DTNB: variants seen among roughly 807,000 people sequenced by gnomAD.
DTNB encodes dystrobrevin beta, also known as DTN-B.
DTNB carries 63 observed loss-of-function variants against 90.7 expected under a neutral mutation model. The observed-to-expected ratio is 0.69, with a 90% CI of 0.57 to 0.86. The LOEUF (loss-of-function observed/expected upper bound fraction) is 0.86, where lower values mean the gene tolerates loss of function less well. DTNB is among the 40% of genes least tolerant of loss of function. The probability of loss-of-function intolerance (pLI) is 0.00; values close to 1 mark genes in which losing one functional copy is unlikely to be tolerated. For synonymous variants in DTNB, 277 were observed against 286.7 expected (o/e 0.97, Z 0.34); for missense variants, 744 against 807.1 (o/e 0.92, Z 0.95).
chr2:25,494,839 ATT>A (rs1396229053), intron 9 of DTNB, among the ~76,000 whole-genome samples: 1 of 151,910 alleles, frequency 6.6e-6, no homozygotes, highest in African/African-American at 2.4e-5. Context: ...TATGACTGGT[ATT>A]CCTCCCGGAA....
intron 8 of DTNB, among the ~76,000 whole-genome samples, chr2:25,564,140 A>G (rs908614191): frequency 2.0e-5 from 3 of 151,970 alleles, no homozygotes; most frequent in African/African-American, 7.3e-5. Context: ...TGACCTTGTG[A>G]TCCACCTGCC....
chr2:25,471,566 T>C (rs2150305669), intron 10 of DTNB, among the ~76,000 whole-genome samples: 1 of 152,196 alleles, frequency 6.6e-6, no homozygotes, highest in East Asian at 1.9e-4. Flanking sequence ...CGGCTAATTT[T>C]TGTATTTTTC....
intron 8 of DTNB, among the ~76,000 whole-genome samples, chr2:25,575,842 A>T (rs2060571389): frequency 6.6e-6 from 1 of 152,236 alleles, no homozygotes; most frequent in Non-Finnish European, 1.5e-5. Flanking sequence ...CAAAGGCTGT[A>T]GCAACTTTTT....
At chr2:25,622,309 C>A (rs2072936361) in intron 4 of DTNB, among the ~76,000 whole-genome samples, 1 of 152,086 alleles carries the variant, frequency 6.6e-6, no homozygotes, top group Non-Finnish European at 1.5e-5. Flanking sequence ...CATGGCAAAA[C>A]CCCGTCTCTA....
chr2:25,448,711 G>A (rs935024949), intron 12 of DTNB, among the ~76,000 whole-genome samples: 7 of 152,070 alleles, frequency 4.6e-5, no homozygotes, highest in South Asian at 2.1e-4. Flanking sequence ...AAAATTAGCC[G>A]GGCGTGGTGG....
chr2:25,467,792 T>C (rs1437842330), intron 10 of DTNB, among the ~76,000 whole-genome samples: 1 of 152,240 alleles, frequency 6.6e-6, no homozygotes, highest in Non-Finnish European at 1.5e-5. Flanking sequence ...CTTATTGTTC[T>C]CAAAGGGTCC....
intron 4 of DTNB, among the ~76,000 whole-genome samples, chr2:25,618,011 T>C (rs2148625325): frequency 6.6e-6 from 1 of 152,306 alleles, no homozygotes; most frequent in African/African-American, 2.4e-5. Flanking sequence ...CAAATCACGT[T>C]ACTTATATTT....
chr2:25,433,801 AGGTCTTCCTTGGC>A, intron 13 of DTNB, 96 bp downstream of exon 13: 1 of 1,253,336 alleles, frequency 8.0e-7, no homozygotes, highest in South Asian at 1.3e-5. Context: ...CACTGAGGCA[AGGTCTTCCTTGGC>A]GGTCAAAAGC....
chr2:25,532,676 C>T (rs1229130595), intron 8 of DTNB, among the ~76,000 whole-genome samples: 1 of 152,210 alleles, frequency 6.6e-6, no homozygotes, highest in Non-Finnish European at 1.5e-5. Flanking sequence ...ACCGTCCACC[C>T]AATTCCCCTA....
intron 10 of DTNB, among the ~76,000 whole-genome samples, chr2:25,474,331 T>G (rs531553414): frequency 6.6e-5 from 10 of 152,040 alleles, no homozygotes; most frequent in African/African-American, 2.4e-4. Context: ...ACTATTCTTG[T>G]GTTGACTTGG....
At chr2:25,650,365 C>G in intron 2 of DTNB, 1 of 474,672 alleles carries the variant, frequency 2.1e-6, no homozygotes, top group Non-Finnish European at 2.7e-6. Context: ...TCAATAAATG[C>G]ACTAAAAGTT....
intron 12 of DTNB, among the ~76,000 whole-genome samples, chr2:25,446,674 T>C (rs2058478174): frequency 6.6e-6 from 1 of 152,210 alleles, no homozygotes; most frequent in Non-Finnish European, 1.5e-5. Flanking sequence ...TTCTGAGGAT[T>C]CTATCTTTGT....
chr2:25,634,269 C>T (rs1181777635), intron 3 of DTNB, among the ~76,000 whole-genome samples: 5 of 124,880 alleles, frequency 4.0e-5, no homozygotes, highest in African/African-American at 8.2e-5. Flanking sequence ...CCAGCCGCCC[C>T]GTCCGGGAGG....
At chr2:25,573,947 T>G (rs907235625) in intron 8 of DTNB, among the ~76,000 whole-genome samples, 1 of 152,180 alleles carries the variant, frequency 6.6e-6, no homozygotes, top group Admixed American at 6.5e-5. Context: ...ACCTTTCGCT[T>G]AATGGTTTCA....
chr2:25,381,323 T>G (rs1370176940), intron 19 of DTNB, among the ~76,000 whole-genome samples: 2 of 152,238 alleles, frequency 1.3e-5, no homozygotes, highest in Non-Finnish European at 2.9e-5. Flanking sequence ...GTCAATTGTT[T>G]CTACATTTCT....
intron 2 of DTNB, among the ~76,000 whole-genome samples, chr2:25,649,467 C>T (rs934522710): frequency 6.6e-6 from 1 of 152,176 alleles, no homozygotes; most frequent in Non-Finnish European, 1.5e-5. Context: ...GTAATCCCAG[C>T]GTTTTGGGAG....
intron 8 of DTNB, among the ~76,000 whole-genome samples, chr2:25,554,247 G>A (rs1043408143): frequency 1.3e-5 from 2 of 152,148 alleles, no homozygotes; most frequent in East Asian, 1.9e-4. Flanking sequence ...GAGACAGGGG[G>A]ATGAGGTGAG....
chr2:25,438,933 C>T (rs1025784220), intron 12 of DTNB, among the ~76,000 whole-genome samples: 5 of 151,910 alleles, frequency 3.3e-5, no homozygotes, highest in African/African-American at 1.2e-4. Context: ...AGATAAACAT[C>T]GGACAAATTA....
At chr2:25,668,144 CA>C (rs1559451675) in intron 1 of DTNB, among the ~76,000 whole-genome samples, 2 of 152,024 alleles carry the variant, frequency 1.3e-5, no homozygotes, top group Non-Finnish European at 2.9e-5. Context: ...GAGGCTGAGG[CA>C]GGAGAATGGT....
Sources: gnomAD v4.1 joint callset for allele counts (sites outside exome capture counted in the v4.1 genomes callset) on GRCh38, gnomAD v4.1.1 for gene constraint, MANE v1.5 for transcripts, NCBI Gene and HGNC (gene_info 2026-07-23, HGNC 2026-07-21) for gene names.